The following WDR41 variants were observed in gnomAD, a reference collection of about 807,000 sequenced individuals.
WDR41 encodes WD repeat-containing protein 41.
Under a neutral mutation model 69.3 loss-of-function variants are expected in WDR41, and 63 were observed. The ratio of observed to expected loss-of-function variants is 0.91; its 90% CI spans 0.74 to 1.12. The LOEUF (loss-of-function observed/expected upper bound fraction) is 1.12, where lower values mean the gene tolerates loss of function less well. Ranked by LOEUF, WDR41 falls within the 50% of genes most tolerant of loss-of-function variation. The pLI, the probability that WDR41 is intolerant of heterozygous loss-of-function variation, is 0.00. For synonymous variants in WDR41, 185 were observed against 192.1 expected (o/e 0.96, Z 0.31); for missense variants, 543 against 534.5 (o/e 1.02, Z -0.16).
chr5:77,535,413 T>C (rs1379439067), intron 1 of WDR41, among the ~76,000 whole-genome samples: 1 of 152,184 alleles, frequency 6.6e-6, no homozygotes, highest in Non-Finnish European at 1.5e-5. Flanking sequence ...CAACAAAACT[T>C]TCTTGGAAAT....
chr5:77,591,754 C>A (rs1230455622), intron 1 of WDR41, among the ~76,000 whole-genome samples: 1 of 152,084 alleles, frequency 6.6e-6, no homozygotes, highest in Non-Finnish European at 1.5e-5. Context: ...GGTCAGAAAA[C>A]ACTTTGTAAG....
chr5:77,616,225 C>CA (rs1276600942), intron 1 of WDR41, among the ~76,000 whole-genome samples: 1 of 151,700 alleles, frequency 6.6e-6, no homozygotes, highest in African/African-American at 2.4e-5. Flanking sequence ...TACTTTATAC[C>CA]ACACAGGTCA....
intron 1 of WDR41, among the ~76,000 whole-genome samples, chr5:77,571,406 C>T (rs1371242330): frequency 1.3e-5 from 2 of 151,810 alleles, no homozygotes; most frequent in Non-Finnish European, 2.9e-5. Flanking sequence ...ACAGGAGGAA[C>T]ATAGGAGGAG....
At chr5:77,604,515 A>G (rs1744378975) in intron 1 of WDR41, among the ~76,000 whole-genome samples, 3 of 152,222 alleles carry the variant, frequency 2.0e-5, no homozygotes, top group African/African-American at 4.8e-5. Context: ...ATAAATTGCT[A>G]TTAGGGCTTG....
chr5:77,492,824 G>A (rs574096003), upstream of WDR41, among the ~76,000 whole-genome samples: 4 of 152,302 alleles, frequency 2.6e-5, no homozygotes, highest in South Asian at 4.1e-4. Flanking sequence ...CTGTGCTAAG[G>A]CTTTACATAA....
chr5:77,443,767 G>A (rs1799264837), intron 8 of WDR41, among the ~76,000 whole-genome samples: 1 of 151,660 alleles, frequency 6.6e-6, no homozygotes, highest in South Asian at 2.1e-4. Context: ...TGCTTGCTCT[G>A]ACTTAATCCT....
chr5:77,542,220 C>T (rs918505886), intron 1 of WDR41, among the ~76,000 whole-genome samples: 6 of 151,966 alleles, frequency 3.9e-5, no homozygotes, highest in South Asian at 2.1e-4. Context: ...TGCTGAATGA[C>T]GAGAAAACAT....
At chr5:77,450,945 A>C (rs1458788893) in intron 7 of WDR41, among the ~76,000 whole-genome samples, 1 of 152,216 alleles carries the variant, frequency 6.6e-6, no homozygotes, top group Admixed American at 6.5e-5. Flanking sequence ...TGTCAAAAGA[A>C]GGTTTTTCAG....
At chr5:77,524,825 G>C (rs961104338) in intron 1 of WDR41, among the ~76,000 whole-genome samples, 2 of 152,218 alleles carry the variant, frequency 1.3e-5, no homozygotes, top group African/African-American at 2.4e-5. Context: ...GGAGAGGACA[G>C]TCTTAGCCTA....
At chr5:77,451,143 T>A (rs1167823849) in intron 7 of WDR41, 148 bp downstream of exon 7, 70 of 664,740 alleles carry the variant, frequency 1.1e-4, no homozygotes, top group Non-Finnish European at 1.7e-4. Context: ...CCTGAAAATG[T>A]CTTAGTCTCT....
chr5:77,550,429 G>T (rs762776171), intron 1 of WDR41, among the ~76,000 whole-genome samples: 3 of 152,012 alleles, frequency 2.0e-5, no homozygotes, highest in Non-Finnish European at 2.9e-5. Flanking sequence ...TAAAAGATAG[G>T]CAAAAGACAT....
intron 1 of WDR41, among the ~76,000 whole-genome samples, chr5:77,608,194 A>T (rs1744463407): frequency 6.6e-6 from 1 of 152,190 alleles, no homozygotes. Context: ...GAGATGACCT[A>T]TTTCATACAG....
At chr5:77,573,513 C>T (rs1743770082) in intron 1 of WDR41, among the ~76,000 whole-genome samples, 1 of 152,122 alleles carries the variant, frequency 6.6e-6, no homozygotes, top group Non-Finnish European at 1.5e-5. Context: ...AAGCTTATCC[C>T]AAATTGCAAA....
rs1798771953 is a variant in WDR41 at position 77,432,684 on chromosome 5, G to C, written c.*451C>G. On this transcript the variant is annotated 3_prime_UTR_variant, in exon 13 of 13. Coordinates refer to ENST00000296679, the MANE Select transcript of WDR41 (RefSeq NM_018268.4). Reference sequence around the variant, plus strand: ...AGTATATATGTTCCCTTTTTTGGCTGAGAGATTCAAGTTTGTGCTATATAG... The same window carrying C: ...AGTATATATGTTCCCTTTTTTGGCTCAGAGATTCAAGTTTGTGCTATATAG... 1.3e-5 allele frequency: 2 copies of C among 152,552 alleles called. No homozygotes were observed. The highest frequency in any genetic ancestry group is 4.1e-4 in the South Asian group (2 of 4,844). The allele number at this position is 152,552 out of a possible 1,614,324, so 9.4% of individuals were successfully genotyped here.
At chr5:77,448,138 G>A (rs1442900155) in intron 8 of WDR41, among the ~76,000 whole-genome samples, 1 of 152,136 alleles carries the variant, frequency 6.6e-6, no homozygotes, top group East Asian at 1.9e-4. Context: ...AGTGGTGCCA[G>A]TGCTTCACTG....
chr5:77,598,242 G>C (rs564753292), intron 1 of WDR41, among the ~76,000 whole-genome samples: 5 of 152,294 alleles, frequency 3.3e-5, no homozygotes, highest in African/African-American at 1.2e-4. Flanking sequence ...ACCCTCCCCA[G>C]TTATCAGTCC....
At chr5:77,598,566 G>A (rs535939389) in intron 1 of WDR41, among the ~76,000 whole-genome samples, 1 of 151,978 alleles carries the variant, frequency 6.6e-6, no homozygotes, top group African/African-American at 2.4e-5. Context: ...ACTAGGCTCA[G>A]TGAACAACAC....
In WDR41 at chr5:77,492,147, G is replaced by C. The variant is rs550571873; in HGVS notation, c.51+23C>G. 16 of 1,610,696 alleles carry C rather than the reference G, an allele frequency of 9.9e-6. No individual in the cohort carries two copies. The South Asian group carries it at 1.6e-4, about 16-fold the overall frequency. On this transcript the variant is annotated intron_variant, in intron 1 of 12. Coordinates refer to ENST00000296679, the MANE Select transcript of WDR41 (RefSeq NM_018268.4). ...CCCTCCAGCAAGCTCGACGGACGCA[G>C]AGCAGACCCACCCGGGGTTTACCTC...
chr5:77,505,909 T>C (rs1364130747), intron 1 of WDR41, among the ~76,000 whole-genome samples: 1 of 152,220 alleles, frequency 6.6e-6, no homozygotes, highest in Non-Finnish European at 1.5e-5. Flanking sequence ...AAGACTTATA[T>C]GTTAGACCTA....
Sources: gnomAD v4.1 joint callset for allele counts (sites outside exome capture counted in the v4.1 genomes callset) on GRCh38, gnomAD v4.1.1 for gene constraint, MANE v1.5 for transcripts, NCBI Gene and HGNC (gene_info 2026-07-23, HGNC 2026-07-21) for gene names.